RBBP5: variants seen among roughly 807,000 people sequenced by gnomAD.
RBBP5 encodes the protein RB binding protein 5, histone lysine methyltransferase complex subunit.
In RBBP5, 5 loss-of-function variants were observed where a neutral mutation model predicts 72.2. The ratio of observed to expected loss-of-function variants is 0.07; its 90% CI spans 0.04 to 0.15. The LOEUF is 0.15. Ranked by LOEUF, RBBP5 falls within the 10% of genes least tolerant of loss-of-function variation. RBBP5 has a pLI of 1.00. For missense variants in RBBP5, 322 were observed against 652.2 expected (o/e 0.49, Z 5.51); for synonymous variants, 209 against 237.2 (o/e 0.88, Z 1.09).
chr1:205,088,881 G>T, intron 13 of RBBP5, 66 bp from the exon 14 acceptor site: 1 of 1,412,226 alleles, frequency 7.1e-7, no homozygotes, highest in South Asian at 1.3e-5. Context: ...TGTAAGAACA[G>T]AAATACTGAA....
chr1:205,116,766 A>G lies in RBBP5; in HGVS notation c.20-883T>C, dbSNP rs1240442469. On this transcript the variant is annotated intron_variant, in intron 1 of 13. Coordinates refer to ENST00000264515, the MANE Select transcript of RBBP5 (RefSeq NM_005057.4). ...GAGACGGAGGTTGCAGTGAGCTGAG[A>G]TCGTGCCACTGCACTCCAACCTGGG... Among the ~76,000 whole-genome samples the G allele has an allele frequency of 4.6e-5, 7 of 152,338 alleles. No homozygotes were observed. The East Asian group carries it at 5.8e-4, about 13-fold the overall frequency.
In RBBP5 at chr1:205,099,156, A is replaced by AG; in HGVS notation, c.979-51_979-50insC. 6 of 1,038,272 alleles carry AG rather than the reference A, an allele frequency of 5.8e-6. No homozygotes were observed. Among genetic ancestry groups the AG allele is most frequent in the African/African-American group, 1.6e-5 (1 of 60,780 alleles). 64.3% of individuals were successfully genotyped at this position (1,038,272 alleles called of 1,614,324 possible). On this transcript the variant is annotated intron_variant, in intron 9 of 13. Coordinates refer to ENST00000264515, the MANE Select transcript of RBBP5 (RefSeq NM_005057.4). This position sits in a 1 kb window ranked among gnomAD's most constrained non-coding sequence, Gnocchi z 4.7. ...ACCATATGTGAAAGCAATAATCTGT[A>AG]ATCTACACATTAATGATAAAATGAA... is the stretch of plus-strand genomic sequence containing the variant.
At position 205,119,506 on chromosome 1, in the gene RBBP5, G is replaced by A. The variant is rs149863552; in HGVS notation, c.19+2349C>T. Among the ~76,000 whole-genome samples, 334 of 152,232 alleles carry A rather than the reference G, an allele frequency of 2.2e-3. 3 individuals carry two copies. Among genetic ancestry groups the A allele is most frequent in the African/African-American group, 7.6e-3 (314 of 41,534 alleles). On this transcript the variant is annotated intron_variant, in intron 1 of 13. Coordinates refer to ENST00000264515, the MANE Select transcript of RBBP5 (RefSeq NM_005057.4). ...CCTGCTACTCTTTCAAAGTACTAGC[G>A]TTATCACCTTTCTTCCATCCTTAAG...
chr1:205,121,968 A>AAG lies in RBBP5; in HGVS notation c.-97_-96dup. On this transcript the variant is annotated 5_prime_UTR_variant, in exon 1 of 14. Transcript: ENST00000264515. ...TTGCGTCTAAGTGGTGGACGCCGCGAAGAGACTGGCGCAAGCTCCGAAGAC... is the reference window on the plus strand; with the variant it reads ...TTGCGTCTAAGTGGTGGACGCCGCGAAGAGAGACTGGCGCAAGCTCCGAAGAC... 6.4e-7 allele frequency: 1 copy of AAG among 1,572,510 alleles called. No homozygotes were observed. The highest frequency in any genetic ancestry group is 8.6e-7 in the Non-Finnish European group (1 of 1,158,744).
In RBBP5 at chr1:205,094,896, G is replaced by A. The variant is rs139089532; in HGVS notation, c.1565C>T (p.Ala522Val). ...LEGSAKGKVQ[A>V]ELSQPLTAGG... ...ACCTGTCAAGGGCTGGCTGAGTTCCGCCTGCACTTTACCCTTCGCTGATCC... is the reference window on the plus strand; with the variant it reads ...ACCTGTCAAGGGCTGGCTGAGTTCCACCTGCACTTTACCCTTCGCTGATCC... Residue 522 changes from alanine to valine, a missense_variant, in exon 13 of 14, where the codon GCG becomes GTG. This residue lies in a region of RBBP5 where 109 missense variants were observed against 146.3 expected (regional missense o/e 0.75). Coordinates refer to ENST00000264515, the MANE Select transcript of RBBP5 (RefSeq NM_005057.4). 72 of 1,613,974 alleles carry A rather than the reference G, an allele frequency of 4.5e-5. No homozygotes were observed. Among genetic ancestry groups the A allele is most frequent in the Middle Eastern group, 1.7e-4 (1 of 6,058 alleles).
intron 1 of RBBP5, among the ~76,000 whole-genome samples, chr1:205,117,722 T>G (rs1299900249): frequency 6.6e-6 from 1 of 152,056 alleles, no homozygotes. Context: ...TGTGTTTATA[T>G]GAGCAAGGAA....
chr1:205,106,138 C>T lies in RBBP5; in HGVS notation c.219-970G>A, dbSNP rs373879142. On this transcript the variant is annotated intron_variant, in intron 3 of 13. Transcript: ENST00000264515. ...CTATCCTTCCCAGACAGGATGTTATCAGCAGAGACCTAGTGGAGAGCCTAA... is the reference window on the plus strand; with the variant it reads ...CTATCCTTCCCAGACAGGATGTTATTAGCAGAGACCTAGTGGAGAGCCTAA... 2.0e-5 allele frequency among the ~76,000 whole-genome samples: 3 copies of T among 152,304 alleles called. No homozygotes were observed. The East Asian group carries it at 5.8e-4, about 29-fold the overall frequency.
In RBBP5 at chr1:205,099,368, T is replaced by A. The variant is rs1655735067; in HGVS notation, c.979-262A>T. On this transcript the variant is annotated intron_variant, in intron 9 of 13. Coordinates refer to ENST00000264515, the MANE Select transcript of RBBP5 (RefSeq NM_005057.4). This position sits in a 1 kb window ranked among gnomAD's most constrained non-coding sequence, Gnocchi z 4.7. The stretch of plus-strand genomic sequence containing the variant: ...TCATTTTAGGAATTTAGAGGTAAAA[T>A]GTTAAATTTTCTTGTAAGTACACTG... Among the ~76,000 whole-genome samples, 1 of 152,200 alleles carries A rather than the reference T, an allele frequency of 6.6e-6. No individual in the cohort carries two copies. Among genetic ancestry groups the A allele is most frequent in the Non-Finnish European group, 1.5e-5 (1 of 68,038 alleles).
chr1:205,110,621 T>C (rs892597322), intron 3 of RBBP5, among the ~76,000 whole-genome samples: 1 of 152,194 alleles, frequency 6.6e-6, no homozygotes, highest in African/African-American at 2.4e-5. Context: ...TATGTGGATA[T>C]ATGTATTAAT....
intron 13 of RBBP5, among the ~76,000 whole-genome samples, chr1:205,093,887 C>T (rs918947345): frequency 3.3e-5 from 5 of 152,036 alleles, no homozygotes; most frequent in African/African-American, 7.2e-5. Context: ...ATTTTAAAGT[C>T]GGGGGAGCCT....
intron 1 of RBBP5, among the ~76,000 whole-genome samples, chr1:205,119,643 A>C (rs1656661594): frequency 6.6e-6 from 1 of 152,150 alleles, no homozygotes; most frequent in Non-Finnish European, 1.5e-5. Context: ...CAAAGGACTA[A>C]ACAGAGCAAC....
Position 205,105,117 on chromosome 1 carries a change from C to A in RBBP5, c.270G>T (p.Val90=), listed in dbSNP as rs141195486. 2.2e-5 allele frequency: 35 copies of A among 1,613,610 alleles called. No homozygotes were observed. The African/African-American group carries it at 2.9e-4, about 14-fold the overall frequency. ...CGCCTGAAAGAACATCCCACTGTGACACTATGTTATCAGTGGAAGCACTCA... is the reference window on the plus strand; with the variant it reads ...CGCCTGAAAGAACATCCCACTGTGAAACTATGTTATCAGTGGAAGCACTCA... The part of the protein sequence containing the change: ...KLVSASTDNI[V]SQWDVLSGDC... Residue 90 remains valine (V), a synonymous_variant, in exon 4 of 14, where the codon GTG becomes GTT. Transcript: ENST00000264515.
chr1:205,117,722 T>C (rs1299900249), intron 1 of RBBP5, among the ~76,000 whole-genome samples: 1 of 152,056 alleles, frequency 6.6e-6, no homozygotes, highest in Non-Finnish European at 1.5e-5. Flanking sequence ...TGTGTTTATA[T>C]GAGCAAGGAA....
chr1:205,099,677 T>A lies in RBBP5; in HGVS notation c.978+64A>T. The A allele has an allele frequency of 6.9e-7, 1 of 1,452,628 alleles. No individual in the cohort carries two copies. Among genetic ancestry groups the A allele is most frequent in the Non-Finnish European group, 9.5e-7 (1 of 1,051,800 alleles). 90.0% of individuals were successfully genotyped at this position (1,452,628 alleles called of 1,614,324 possible). On this transcript the variant is annotated intron_variant, in intron 9 of 13. Coordinates refer to ENST00000264515, the MANE Select transcript of RBBP5 (RefSeq NM_005057.4). This position sits in a 1 kb window ranked among gnomAD's most constrained non-coding sequence, Gnocchi z 4.7. The stretch of plus-strand genomic sequence containing the variant: ...AAAATGTAATTTTTAGCTTCCTATG[T>A]ATAAGGTTCTTTGATAAAAAGAAGG...
At chr1:205,110,002 C>T (rs889388284) in intron 3 of RBBP5, among the ~76,000 whole-genome samples, 5 of 151,984 alleles carry the variant, frequency 3.3e-5, no homozygotes, top group Admixed American at 6.6e-5. Flanking sequence ...CTATAGCTAA[C>T]TTCTGTTCAC....
chr1:205,105,314 A>C, intron 3 of RBBP5, 146 bp from the exon 4 acceptor site: 3 of 842,826 alleles, frequency 3.6e-6, no homozygotes, highest in Admixed American at 2.7e-5. Context: ...CAAATCCATA[A>C]GCTTTTCCAA....
At chr1:205,091,880 G>C (rs546812370) in intron 13 of RBBP5, 1 of 152,270 alleles carries the variant, frequency 6.6e-6, no homozygotes, top group East Asian at 1.9e-4. Context: ...TTTGCATCAG[G>C]TTTCCTTTCT....
At chr1:205,115,266 T>C (rs1305633286) in intron 2 of RBBP5, among the ~76,000 whole-genome samples, 2 of 152,146 alleles carry the variant, frequency 1.3e-5, no homozygotes, top group East Asian at 3.8e-4. Context: ...TCATATCTAT[T>C]GATGCAGTCA....
In RBBP5 at chr1:205,099,042, C is replaced by T. The variant is rs1655722988; in HGVS notation, c.1043G>A (p.Arg348Lys). The T allele has an allele frequency of 1.9e-6, 3 of 1,611,856 alleles. No individual in the cohort carries two copies. The highest frequency in any genetic ancestry group is 2.5e-6 in the Non-Finnish European group (3 of 1,179,318). The change falls in exon 10 of 14, where the codon AGG becomes AAG. Residue 348 changes from arginine (R) to lysine (K), a missense_variant. Physicochemically the swap from Arg to Lys is conservative, Grantham distance 26. Coordinates refer to ENST00000264515, the MANE Select transcript of RBBP5 (RefSeq NM_005057.4). The surrounding 1 kb of genome is among the most constrained non-coding windows in gnomAD (Gnocchi z 4.7). ...ATCTTCAATATCAAACTCTGATTCC[C>T]TTTCTTCGTATTCTACATTTTCATC... ...ELDENVEYEE[R>K]ESEFDIEDED...
Sources: gnomAD v4.1 joint callset for allele counts (sites outside exome capture counted in the v4.1 genomes callset) on GRCh38, gnomAD v4.1.1 for gene constraint, gnomAD v4.1.1 regional missense constraint, Gnocchi (gnomAD v3.1) non-coding constraint, MANE v1.5 for transcripts, NCBI Gene and HGNC (gene_info 2026-07-23, HGNC 2026-07-21) for gene names.